Variants in CNTNAP2 observed in about 807,000 individuals in gnomAD.
CNTNAP2 encodes contactin-associated protein-like 2.
In CNTNAP2, 98 loss-of-function variants were observed where a neutral mutation model predicts 155.2. The ratio of observed to expected loss-of-function variants is 0.63; its 90% CI spans 0.54 to 0.75. The LOEUF is 0.75. CNTNAP2 is among the 30% of genes least tolerant of loss of function. The pLI, the probability that CNTNAP2 is intolerant of heterozygous loss-of-function variation, is 0.00. For missense variants in CNTNAP2, 1,727 were observed against 1,688.1 expected (o/e 1.02, Z -0.40); for synonymous variants, 651 against 631.2 (o/e 1.03, Z -0.47).
intron 4 of CNTNAP2, among the ~76,000 whole-genome samples, chr7:147,077,494 C>G (rs1800020529): frequency 6.6e-6 from 1 of 152,108 alleles, no homozygotes; most frequent in Admixed American, 6.6e-5. Flanking sequence ...CGCAAGATCC[C>G]CGTACTTCCT....
intron 8 of CNTNAP2, among the ~76,000 whole-genome samples, chr7:147,140,458 AG>A (rs1389332284): frequency 2.0e-5 from 3 of 151,932 alleles, no homozygotes; most frequent in African/African-American, 7.3e-5. Flanking sequence ...TGATTATTTT[AG>A]GTCATAACTT....
At chr7:146,517,472 G>A (rs1422329029) in intron 1 of CNTNAP2, among the ~76,000 whole-genome samples, 1 of 151,952 alleles carries the variant, frequency 6.6e-6, no homozygotes, top group Non-Finnish European at 1.5e-5. Context: ...AAGTGGGAAG[G>A]TGGAGGTAAG....
At chr7:146,749,135 T>C (rs1322830834) in intron 1 of CNTNAP2, among the ~76,000 whole-genome samples, 1 of 152,086 alleles carries the variant, frequency 6.6e-6, no homozygotes, top group Non-Finnish European at 1.5e-5. Flanking sequence ...CATATATACA[T>C]AGGTATACAT....
At chr7:147,526,249 C>T (rs1285898991) in intron 11 of CNTNAP2, among the ~76,000 whole-genome samples, 2 of 150,416 alleles carry the variant, frequency 1.3e-5, no homozygotes, top group African/African-American at 4.9e-5. Flanking sequence ...TGCAGGAATG[C>T]TTGAATCTTT....
intron 9 of CNTNAP2, among the ~76,000 whole-genome samples, chr7:147,367,330 G>A (rs1007435737): frequency 1.3e-5 from 2 of 152,118 alleles, no homozygotes; most frequent in Non-Finnish European, 2.9e-5. Context: ...TAATGAAAAC[G>A]AGTGTTTGGC....
intron 3 of CNTNAP2, among the ~76,000 whole-genome samples, chr7:146,966,320 C>A (rs1383241224): frequency 2.0e-5 from 3 of 152,102 alleles, no homozygotes. Context: ...GGGTTATCAC[C>A]CATGCCTGTA....
At chr7:147,804,873 C>G (rs752985419) in intron 13 of CNTNAP2, among the ~76,000 whole-genome samples, 15 of 151,886 alleles carry the variant, frequency 9.9e-5, no homozygotes, top group Non-Finnish European at 1.9e-4. Flanking sequence ...TTTTTAACCT[C>G]ACCACCTCCC....
intron 8 of CNTNAP2, among the ~76,000 whole-genome samples, chr7:147,243,016 T>TTTTTTTTTGGGG (rs1803977056): frequency 8.3e-6 from 1 of 121,004 alleles, no homozygotes; most frequent in African/African-American, 3.0e-5. Context: ...TTTTTTTTTT[T>TTTTTTTTTGGGG]GAGAGGGAGT....
At chr7:147,644,222 A>C (rs1795329261) in intron 13 of CNTNAP2, among the ~76,000 whole-genome samples, 1 of 152,254 alleles carries the variant, frequency 6.6e-6, no homozygotes, top group Non-Finnish European at 1.5e-5. Flanking sequence ...GGATGTCTAC[A>C]TGATTTATAT....
intron 21 of CNTNAP2, among the ~76,000 whole-genome samples, chr7:148,363,894 A>G (rs6464878): frequency 0.37 from 54,136 of 144,576 alleles, 10,977 homozygotes; most frequent in Non-Finnish European, 0.42. Context: ...GGTGGGCCCC[A>G]CACTCTGAGC....
chr7:146,883,254 A>G (rs919273065), intron 3 of CNTNAP2, among the ~76,000 whole-genome samples: 2 of 152,284 alleles, frequency 1.3e-5, no homozygotes, highest in South Asian at 2.1e-4. Flanking sequence ...TTACAATGTT[A>G]TTTCACAATA....
chr7:147,425,257 A>T (rs1190337623), intron 10 of CNTNAP2, among the ~76,000 whole-genome samples: 1 of 57,496 alleles, frequency 1.7e-5, no homozygotes, highest in Non-Finnish European at 3.2e-5. Context: ...CCACACAATG[A>T]CCATTGCCTT....
intron 13 of CNTNAP2, among the ~76,000 whole-genome samples, chr7:147,738,527 T>C (rs937618761): frequency 1.3e-5 from 2 of 152,252 alleles, no homozygotes; most frequent in Non-Finnish European, 2.9e-5. Flanking sequence ...TCCAACTTTT[T>C]GAAGGCTCAA....
At chr7:146,744,996 TC>T (rs1801785531) in intron 1 of CNTNAP2, among the ~76,000 whole-genome samples, 1 of 152,186 alleles carries the variant, frequency 6.6e-6, no homozygotes, top group African/African-American at 2.4e-5. Context: ...CCTAATCCAA[TC>T]CTTTTTCTTT....
intron 9 of CNTNAP2, among the ~76,000 whole-genome samples, chr7:147,323,903 G>T (rs1430945543): frequency 6.6e-6 from 1 of 150,726 alleles, no homozygotes; most frequent in Admixed American, 6.6e-5. Flanking sequence ...TTTAATTTGA[G>T]AGAAAAATGG....
At chr7:147,095,186 ATTTT>A (rs36113270) in intron 4 of CNTNAP2, among the ~76,000 whole-genome samples, 3 of 114,520 alleles carry the variant, frequency 2.6e-5, no homozygotes, top group Admixed American at 9.6e-5. Flanking sequence ...CGCCTGGCTA[ATTTT>A]TTTTTTTTTT....
At chr7:147,233,654 ATAT>A (rs1197836541) in intron 8 of CNTNAP2, among the ~76,000 whole-genome samples, 10 of 152,006 alleles carry the variant, frequency 6.6e-5, no homozygotes, top group South Asian at 4.1e-4. Flanking sequence ...GAAATTGTTA[ATAT>A]TATACACACA....
intron 13 of CNTNAP2, among the ~76,000 whole-genome samples, chr7:147,708,990 C>A (rs1218727723): frequency 6.6e-6 from 1 of 152,090 alleles, no homozygotes; most frequent in African/African-American, 2.4e-5. Context: ...TCCATACAGC[C>A]CATTTTGTAA....
At chr7:147,234,950 T>G (rs1196356494) in intron 8 of CNTNAP2, among the ~76,000 whole-genome samples, 1 of 152,168 alleles carries the variant, frequency 6.6e-6, no homozygotes, top group Non-Finnish European at 1.5e-5. Context: ...CTTTGATGGT[T>G]AATGTTATGT....
Sources: gnomAD v4.1 joint callset for allele counts (sites outside exome capture counted in the v4.1 genomes callset) on GRCh38, gnomAD v4.1.1 for gene constraint, MANE v1.5 for transcripts, NCBI Gene and HGNC (gene_info 2026-07-23, HGNC 2026-07-21) for gene names.